The following SHARPIN variants were observed in gnomAD, a reference collection of about 807,000 sequenced individuals.
SHARPIN encodes the protein SHANK associated RH domain interactor.
Under a neutral mutation model 40.3 loss-of-function variants are expected in SHARPIN, and 25 were observed. That is an observed-to-expected ratio of 0.62 (90% CI 0.45 to 0.87). The LOEUF (loss-of-function observed/expected upper bound fraction) is 0.87, where lower values mean the gene tolerates loss of function less well. Ranked by LOEUF, SHARPIN falls within the 40% of genes least tolerant of loss-of-function variation. SHARPIN has a pLI of 0.00. For synonymous variants in SHARPIN, 274 were observed against 221.8 expected, an observed-to-expected ratio of 1.24 and a Z score of -2.09; for missense variants, 551 against 516.1, an observed-to-expected ratio of 1.07 and a Z score of -0.66.
In SHARPIN at chr8:144,099,100, C is replaced by T. The variant is rs1310267574; in HGVS notation, c.1028G>A (p.Ser343Asn). 1 of 1,581,458 alleles carries T rather than the reference C, an allele frequency of 6.3e-7. No individual in the cohort carries two copies. Among genetic ancestry groups the T allele is most frequent in the Admixed American group, 1.9e-5 (1 of 52,732 alleles). ...LPPGPQPAAS[S>N]LPSPLQPSWS... ...GCCCACCTGGAGTGGACTGGGCAGG[C>T]TGGAGGCAGCTGGCTGGGGGCCTGG... Residue 343 changes from serine (S) to asparagine (N), a missense_variant, in exon 7 of 9, where the codon AGC (serine) becomes AAC (asparagine). Ser to Asn is a conservative substitution (Grantham distance 46, BLOSUM62 1). Transcript: ENST00000398712.
At position 144,103,554 on chromosome 8, in the gene SHARPIN, G is replaced by A. The variant is rs1471476923; in HGVS notation, c.200C>T (p.Ala67Val). Residue 67 changes from alanine (A) to valine (V), a missense_variant and splice_region_variant, in exon 1 of 9, where the codon GCG (alanine) becomes GTG (valine). By Grantham distance (64) the Ala-to-Val change is moderately conservative. Coordinates refer to ENST00000398712, the MANE Select transcript of SHARPIN (RefSeq NM_030974.4). ...CGCGCGCCCTCCGCCCCCACTCACC[G>A]CCCCAGGTCCCGCGCCCAGCAGCTC... ...RLELLGAGPGAVNLEWPLESV... is the reference protein window; with the variant it reads ...RLELLGAGPGVVNLEWPLESV... 2.6e-6 allele frequency: 4 copies of A among 1,531,764 alleles called. No individual in the cohort carries two copies. The highest frequency in any genetic ancestry group is 3.9e-5 in the Admixed American group (2 of 50,872). The allele number at this position is 1,531,764 out of a possible 1,614,324, so 94.9% of individuals were successfully genotyped here.
intron 2 of SHARPIN, 166 bp downstream of exon 2, chr8:144,102,885 C>A: frequency 1.2e-6 from 1 of 805,250 alleles, no homozygotes; most frequent in South Asian, 1.6e-5. Flanking sequence ...GAGACTGACT[C>A]CAGCAGCCAC....
chr8:144,103,214 C>T lies in SHARPIN; in HGVS notation c.213G>A (p.Glu71=). The T allele has an allele frequency of 6.2e-7, 1 of 1,607,164 alleles. No individual in the cohort carries two copies. The highest frequency in any genetic ancestry group is 8.5e-7 in the Non-Finnish European group (1 of 1,176,608). Residue 71 remains glutamate, a synonymous_variant, in exon 2 of 9, where the codon GAG becomes GAA. Transcript: ENST00000398712. The stretch of plus-strand genomic sequence containing the variant: ...TGTAGGAAACTGACTCCAGGGGCCA[C>T]TCCAAATTAACCTGAGAAGAGGGAG... The part of the protein sequence containing the change: ...LGAGPGAVNL[E]WPLESVSYTI...
At chr8:144,102,700 C>A in intron 2 of SHARPIN, 1 of 398,792 alleles carries the variant, frequency 2.5e-6, no homozygotes, top group East Asian at 5.5e-5. Context: ...CCACTCCTGT[C>A]ACTCTCCTGC....
intron 1 of SHARPIN, 150 bp from the exon 2 acceptor site, chr8:144,103,375 A>T: frequency 9.6e-7 from 1 of 1,045,920 alleles, no homozygotes; most frequent in Non-Finnish European, 1.4e-6. Context: ...CCTGTAAAGT[A>T]GGTCCAGGTA....
rs199932176 is a variant in SHARPIN at position 144,099,920 on chromosome 8, C to G, written c.517+9G>C. The stretch of plus-strand genomic sequence containing the variant: ...CCCGAACCCCCCAACCCCCTCCCCC[C>G]ACCTGTACCTCTCTCCGTCAAGTTT... On this transcript the variant is annotated intron_variant, in intron 3 of 8. Transcript: ENST00000398712. 2.3e-3 allele frequency: 3,760 copies of G among 1,610,136 alleles called. 3 individuals are homozygous for G. Among genetic ancestry groups the G allele is most frequent in the Non-Finnish European group, 3.0e-3 (3,481 of 1,178,468 alleles).
In SHARPIN at chr8:144,099,863, A is replaced by T. The variant is rs769498586; in HGVS notation, c.518-19T>A. ...AGCTCTTCTGCAGGGTAAGGAAAGG[A>T]CAGCTGTCACCACTGGGGACTATCT... is the stretch of plus-strand genomic sequence containing the variant. On this transcript the variant is annotated intron_variant, in intron 3 of 8. Transcript: ENST00000398712. 1.2e-5 allele frequency: 20 copies of T among 1,611,810 alleles called. No homozygotes were observed. The highest frequency in any genetic ancestry group is 2.7e-5 in the African/African-American group (2 of 74,852).
intron 1 of SHARPIN, 39 bp from the exon 2 acceptor site, chr8:144,103,264 GC>G: frequency 1.3e-6 from 2 of 1,558,572 alleles, no homozygotes; most frequent in Non-Finnish European, 1.7e-6. Flanking sequence ...GCGTCCCCCC[GC>G]CCTACATCGC....
chr8:144,102,717 T>G (rs975243673), intron 2 of SHARPIN: 1 of 431,996 alleles, frequency 2.3e-6, no homozygotes, highest in Admixed American at 3.8e-5. Context: ...CTGCTGCTCT[T>G]GGGATGATGT....
Position 144,102,998 on chromosome 8 carries a change from T to TG in SHARPIN, c.376+52dup, listed in dbSNP as rs933806554. On this transcript the variant is annotated intron_variant, in intron 2 of 8. Transcript: ENST00000398712. ...TGGATCCAACTTCCCCAACCAGGAC[T>TG]GGGGGGCCAAGGCTATTCCAAATTG... The TG allele has an allele frequency of 4.4e-6, 7 of 1,608,430 alleles. No homozygotes were observed. In the African/African-American group the frequency reaches 8.0e-5, roughly 18 times the overall value.
chr8:144,099,749 G>A lies in SHARPIN; in HGVS notation c.613C>T (p.Leu205=). The stretch of plus-strand genomic sequence containing the variant: ...CAGGCCTCCTGAAGCTGAACACTCA[G>A]GGCCACACGATGCTGGGCCAGGACG... ...AAVLAQHRVA[L]SVQLQEACFP... The change falls in exon 4 of 9, where the codon CTG becomes TTG. Residue 205 remains leucine, a synonymous_variant. Coordinates refer to ENST00000398712, the MANE Select transcript of SHARPIN (RefSeq NM_030974.4). 6.2e-7 allele frequency: 1 copy of A among 1,613,420 alleles called. No homozygotes were observed. The highest frequency in any genetic ancestry group is 1.7e-4 in the Middle Eastern group (1 of 6,056).
intron 2 of SHARPIN, among the ~76,000 whole-genome samples, chr8:144,101,328 C>G (rs967983888): frequency 6.6e-6 from 1 of 151,768 alleles, no homozygotes; most frequent in African/African-American, 2.4e-5. Context: ...CCTAGAACCC[C>G]TGGGCTCAAG....
intron 6 of SHARPIN, 24 bp downstream of exon 6, chr8:144,099,253 A>G (rs1836233548): frequency 1.2e-6 from 2 of 1,613,646 alleles, no homozygotes; most frequent in Non-Finnish European, 8.5e-7. Flanking sequence ...CACCTCCCAC[A>G]CCCCACCCCC....
intron 2 of SHARPIN, among the ~76,000 whole-genome samples, chr8:144,101,643 C>CT (rs1378254871): frequency 7.1e-6 from 1 of 140,780 alleles, no homozygotes; most frequent in South Asian, 2.3e-4. Context: ...GTCTCGATCT[C>CT]TTAACCTCAT....
intron 2 of SHARPIN, 179 bp downstream of exon 2, chr8:144,102,872 T>G (rs554393647): frequency 1.5e-5 from 11 of 734,730 alleles, no homozygotes; most frequent in African/African-American, 1.4e-4. Flanking sequence ...TCAGATGGTG[T>G]AGGAGACTGA....
intron 2 of SHARPIN, 54 bp from the exon 3 acceptor site, chr8:144,100,123 C>A: frequency 6.6e-7 from 1 of 1,513,726 alleles, no homozygotes; most frequent in South Asian, 1.3e-5. Flanking sequence ...GGCCTCTAGG[C>A]CCTTGGTTTT....
At position 144,098,983 on chromosome 8, in the gene SHARPIN, G is replaced by C; in HGVS notation, c.1059C>G (p.Ser353=). 6.2e-7 allele frequency: 1 copy of C among 1,603,156 alleles called. No homozygotes were observed. Among genetic ancestry groups the C allele is most frequent in the Non-Finnish European group, 8.5e-7 (1 of 1,176,986 alleles). ...SLPSPLQPSW[S]CPSCTFINAP... is the part of the protein sequence containing the mutation. ...CATTGATGAAGGTGCAGGAAGGACA[G>C]GACCAGCTGGGCTGGGGGAAGAGAG... The change falls in exon 8 of 9, where the codon TCC becomes TCG. Residue 353 remains serine (S), a synonymous_variant. Transcript: ENST00000398712.
chr8:144,099,523 G>A lies in SHARPIN; in HGVS notation c.755C>T (p.Ala252Val), dbSNP rs2129982239. ...CCCTGTGCCCACCTGCTCCTGGAGA[G>A]CTGCAACAGTGCAGTGGGGGTGGAC... Reference protein sequence around the residue: ...LQVHPHCTVAALQEQVFSELG... With the variant: ...LQVHPHCTVAVLQEQVFSELG... The change falls in exon 5 of 9, where the codon GCT becomes GTT. Residue 252 changes from alanine to valine, a missense_variant. By Grantham distance (64) the Ala-to-Val change is moderately conservative. Coordinates refer to ENST00000398712, the MANE Select transcript of SHARPIN (RefSeq NM_030974.4). 1 of 1,613,928 alleles carries A rather than the reference G, an allele frequency of 6.2e-7. No individual in the cohort carries two copies. The highest frequency in any genetic ancestry group is 1.3e-5 in the African/African-American group (1 of 75,068).
chr8:144,103,006 C>T, intron 2 of SHARPIN, 45 bp downstream of exon 2: 2 of 1,611,062 alleles, frequency 1.2e-6, no homozygotes, highest in Non-Finnish European at 1.7e-6. Flanking sequence ...ACTGGGGGGC[C>T]AAGGCTATTC....
Sources: allele counts gnomAD v4.1 joint callset (sites outside exome capture counted in the v4.1 genomes callset), GRCh38; gene constraint gnomAD v4.1.1; transcripts MANE v1.5; gene names NCBI Gene and HGNC (gene_info 2026-07-23, HGNC 2026-07-21).